The following PHLPP1 variants were observed in gnomAD, a reference collection of about 807,000 sequenced individuals.
PHLPP1 encodes the protein PH domain leucine-rich repeat-containing protein phosphatase 1.
Under a neutral mutation model 117.2 loss-of-function variants are expected in PHLPP1, and 42 were observed. The ratio of observed to expected loss-of-function variants is 0.36; its 90% CI spans 0.28 to 0.46. PHLPP1 has a LOEUF of 0.46. Ranked by LOEUF, PHLPP1 falls within the 20% of genes least tolerant of loss-of-function variation. The pLI, the probability that PHLPP1 is intolerant of heterozygous loss-of-function variation, is 1.00. For missense variants in PHLPP1, 2,084 were observed against 2,241.9 expected (o/e 0.93, Z 1.42); for synonymous variants, 1,042 against 970.7 (o/e 1.07, Z -1.37).
chr18:62,716,695 C>T lies in PHLPP1; in HGVS notation c.1012C>T (p.Arg338Cys), dbSNP rs1010481368. The change falls in exon 1 of 17, where the codon CGC becomes TGC. Residue 338 changes from arginine (R) to cysteine (C), a missense_variant. This residue lies in a region of PHLPP1 where 719 missense variants were observed against 636.0 expected (regional missense o/e 1.13). Transcript: ENST00000262719. This position sits in a 1 kb window ranked among gnomAD's most constrained non-coding sequence, Gnocchi z 5.7. ...PFVGGPVSSP[R>C]APRPVVSDTE... ...CGTTGGGGGCCCTGTCTCTTCGCCC[C>T]GCGCCCCACGGCCTGTGGTCTCCGA... 9.5e-6 allele frequency: 14 copies of T among 1,475,308 alleles called. No homozygotes were observed. The East Asian group carries it at 4.0e-4, about 42-fold the overall frequency. 91.4% of individuals were successfully genotyped at this position (1,475,308 alleles called of 1,614,324 possible). A position where few individuals can be genotyped will look rare whatever the true frequency, so the allele number is the denominator to read the frequency against.
intron 1 of PHLPP1, among the ~76,000 whole-genome samples, chr18:62,771,807 A>C (rs762717612): frequency 6.6e-6 from 1 of 152,218 alleles, no homozygotes; most frequent in Non-Finnish European, 1.5e-5. Flanking sequence ...TTAAGAATGC[A>C]CACTACTCTA....
intron 12 of PHLPP1, among the ~76,000 whole-genome samples, chr18:62,952,001 G>A (rs1465831616): frequency 2.0e-5 from 3 of 151,690 alleles, no homozygotes; most frequent in African/African-American, 4.8e-5. Flanking sequence ...TTTTTTTTTA[G>A]TAGAGACGGG....
At chr18:62,974,454 C>A (rs1289965229) in intron 15 of PHLPP1, among the ~76,000 whole-genome samples, 1 of 152,174 alleles carries the variant, frequency 6.6e-6, no homozygotes, top group Non-Finnish European at 1.5e-5. Context: ...TAGGAGCAGA[C>A]AGTACCTGAG....
At chr18:62,915,785 C>T (rs562200401) in intron 9 of PHLPP1, among the ~76,000 whole-genome samples, 109 of 152,188 alleles carry the variant, frequency 7.2e-4, no homozygotes, top group Non-Finnish European at 1.2e-3. Flanking sequence ...ATCCACTGGC[C>T]GTCTGTGGCT....
chr18:62,957,895 T>C (rs145705150), intron 12 of PHLPP1, among the ~76,000 whole-genome samples: 3,622 of 152,156 alleles, frequency 0.024, 144 homozygotes, highest in African/African-American at 0.082. Flanking sequence ...TTAGTAGAGA[T>C]GGGGGTTTCA....
intron 1 of PHLPP1, among the ~76,000 whole-genome samples, chr18:62,765,188 T>A (rs1912425982): frequency 6.6e-6 from 1 of 152,242 alleles, no homozygotes; most frequent in Non-Finnish European, 1.5e-5. Flanking sequence ...CTGACCTTTT[T>A]TCAAATTTTG....
At chr18:62,728,724 G>T (rs926167623) in intron 1 of PHLPP1, among the ~76,000 whole-genome samples, 1 of 152,038 alleles carries the variant, frequency 6.6e-6, no homozygotes, top group Admixed American at 6.5e-5. Flanking sequence ...AGCCAGGCTG[G>T]TCTCAAACTC....
At chr18:62,892,082 CTTTTTTTTTTTTTTTTT>C (rs200141250) in intron 4 of PHLPP1, among the ~76,000 whole-genome samples, 1 of 107,968 alleles carries the variant, frequency 9.3e-6, no homozygotes, top group Non-Finnish European at 1.8e-5. Context: ...TTCTTTCTTT[CTTTTTTTTTTTTTTTTT>C]TTTTTTTTTA....
At chr18:62,872,578 G>A (rs569464646) in intron 4 of PHLPP1, among the ~76,000 whole-genome samples, 1 of 151,886 alleles carries the variant, frequency 6.6e-6, no homozygotes. Flanking sequence ...TGTAATCCGA[G>A]CTACTCCAGA....
chr18:62,962,220 T>G (rs1295894016), intron 13 of PHLPP1, among the ~76,000 whole-genome samples: 2 of 152,262 alleles, frequency 1.3e-5, no homozygotes, highest in Admixed American at 6.5e-5. Context: ...TGTTAATGAC[T>G]CCCTGTTTAG....
chr18:62,892,099 T>C (rs1434443065), intron 4 of PHLPP1, among the ~76,000 whole-genome samples: 2 of 91,988 alleles, frequency 2.2e-5, no homozygotes, highest in Admixed American at 1.2e-4. Flanking sequence ...TTTTTTTTTT[T>C]TTTTTTTTTA....
intron 1 of PHLPP1, among the ~76,000 whole-genome samples, chr18:62,796,110 G>A (rs945916204): frequency 3.9e-5 from 6 of 152,194 alleles, no homozygotes; most frequent in Non-Finnish European, 7.3e-5. Context: ...TATAGCTTGT[G>A]ATTAATTCCT....
chr18:62,914,071 A>G (rs3851143), intron 8 of PHLPP1, among the ~76,000 whole-genome samples: 17,431 of 152,022 alleles, frequency 0.11, 1,052 homozygotes, highest in Middle Eastern at 0.2. Context: ...AGTAACTGTA[A>G]TTACCATCTA....
intron 3 of PHLPP1, among the ~76,000 whole-genome samples, chr18:62,858,709 T>A (rs1490744044): frequency 6.6e-6 from 1 of 152,116 alleles, no homozygotes; most frequent in Non-Finnish European, 1.5e-5. Context: ...CGTGAGAGGA[T>A]CAACCTAGCC....
chr18:62,826,999 C>T (rs1914629443), intron 1 of PHLPP1, among the ~76,000 whole-genome samples: 1 of 151,850 alleles, frequency 6.6e-6, no homozygotes, highest in African/African-American at 2.4e-5. Flanking sequence ...GACCCTGTCT[C>T]AAAAAATAAA....
chr18:62,831,751 G>C (rs1303064779), intron 2 of PHLPP1, among the ~76,000 whole-genome samples: 1 of 152,212 alleles, frequency 6.6e-6, no homozygotes, highest in Non-Finnish European at 1.5e-5. Flanking sequence ...GCTCACTGCT[G>C]TGTAGCAAGC....
intron 4 of PHLPP1, among the ~76,000 whole-genome samples, chr18:62,877,219 TATC>T (rs1188920350): frequency 2.6e-5 from 4 of 152,224 alleles, no homozygotes; most frequent in East Asian, 1.9e-4. Flanking sequence ...GTTAATTACT[TATC>T]ATTACCAAAA....
chr18:62,716,119 G>C lies in PHLPP1; in HGVS notation c.436G>C (p.Ala146Pro). 1 of 1,510,422 alleles carries C rather than the reference G, an allele frequency of 6.6e-7. No individual in the cohort carries two copies. Among genetic ancestry groups the C allele is most frequent in the South Asian group, 1.2e-5 (1 of 81,390 alleles). The allele number at this position is 1,510,422 out of a possible 1,614,324, so 93.6% of individuals were successfully genotyped here. Residue 146 changes from alanine (A) to proline (P), a missense_variant, in exon 1 of 17, where the codon GCT (alanine) becomes CCT (proline). By Grantham distance (27) the Ala-to-Pro change is conservative (BLOSUM62 -1). This residue lies in a region of PHLPP1 where 719 missense variants were observed against 636.0 expected (regional missense o/e 1.13). Transcript: ENST00000262719. The surrounding 1 kb of genome is among the most constrained non-coding windows in gnomAD (Gnocchi z 5.7). The stretch of plus-strand genomic sequence containing the variant: ...CTCCTCGTCGTCGTCGTCCTCGGCC[G>C]CTGCTGCCTCGCACTCCCCCGGCGC... ...AASSSSSSSA[A>P]AASHSPGAAG... is the part of the protein sequence containing the mutation.
At chr18:62,893,381 A>C (rs1011129795) in intron 4 of PHLPP1, among the ~76,000 whole-genome samples, 1 of 152,230 alleles carries the variant, frequency 6.6e-6, no homozygotes, top group Admixed American at 6.5e-5. Flanking sequence ...TAACGGCCCT[A>C]ATATAAAACA....
Sources: gnomAD v4.1 joint callset for allele counts (sites outside exome capture counted in the v4.1 genomes callset) on GRCh38, gnomAD v4.1.1 for gene constraint, gnomAD v4.1.1 regional missense constraint, Gnocchi (gnomAD v3.1) non-coding constraint, MANE v1.5 for transcripts, NCBI Gene and HGNC (gene_info 2026-07-23, HGNC 2026-07-21) for gene names.